The following OSGEPL1 variants were observed in gnomAD, a reference collection of about 807,000 sequenced individuals.
The protein encoded by OSGEPL1 is tRNA N6-adenosine threonylcarbamoyltransferase, mitochondrial.
Under a neutral mutation model 37.2 loss-of-function variants are expected in OSGEPL1, and 26 were observed. That is an observed-to-expected ratio of 0.70 (90% CI 0.51 to 0.97). OSGEPL1 has a LOEUF of 0.97. Among genes scored for constraint, OSGEPL1 ranks in the 50% least tolerant of loss-of-function variants. The pLI is 0.00. For missense variants in OSGEPL1, 404 were observed against 487.0 expected (o/e 0.83, Z 1.60); for synonymous variants, 140 against 159.9 (o/e 0.88, Z 0.94).
At chr2:189,748,209 A>G (rs1372492473) in intron 8 of OSGEPL1, among the ~76,000 whole-genome samples, 2 of 152,144 alleles carry the variant, frequency 1.3e-5, no homozygotes, top group African/African-American at 4.8e-5. Flanking sequence ...TTATTTATTT[A>G]TTTGTCTGTT....
At chr2:189,762,570 A>C (rs1004555617) in intron 1 of OSGEPL1, 115 bp downstream of exon 1, 6 of 984,430 alleles carry the variant, frequency 6.1e-6, no homozygotes, top group Non-Finnish European at 7.2e-6. Context: ...AACCCACGTG[A>C]CTTGGGTAGC....
Position 189,755,305 on chromosome 2 carries a change from A to G in OSGEPL1, c.477T>C (p.Asn159=). Residue 159 remains asparagine, a synonymous_variant, in exon 3 of 9, where the codon AAT becomes AAC. Coordinates refer to ENST00000264151, the MANE Select transcript of OSGEPL1 (RefSeq NM_022353.3). ...GAACTAAAAAAGGAAATTCTACTTTATTGGTCAACCTAATAGTAAGTGCAT... is the reference window on the plus strand; with the variant it reads ...GAACTAAAAAAGGAAATTCTACTTTGTTGGTCAACCTAATAGTAAGTGCAT... ...EAHALTIRLT[N]KVEFPFLVLL... The G allele has an allele frequency of 6.2e-7, 1 of 1,613,516 alleles. No homozygotes were observed. Among genetic ancestry groups the G allele is most frequent in the Non-Finnish European group, 8.5e-7 (1 of 1,179,736 alleles).
Position 189,755,238 on chromosome 2 carries a change from C to T in OSGEPL1, c.544G>A (p.Gly182Arg). The change falls in exon 3 of 9, where the codon GGA becomes AGA. Residue 182 changes from glycine (G) to arginine (R), a missense_variant. By Grantham distance (125) the Gly-to-Arg change is moderately radical (BLOSUM62 -2). Transcript: ENST00000264151. ...GGHCLLALVQ[G>R]VSDFLLLGKS... is the part of the protein sequence containing the mutation. The stretch of plus-strand genomic sequence containing the variant: ...CCAAGAAGCAGAAAATCTGAAACTC[C>T]TTGAACTAATGCCAACAGACAGTGA... The T allele has an allele frequency of 6.2e-7, 1 of 1,613,066 alleles. No individual in the cohort carries two copies. Among genetic ancestry groups the T allele is most frequent in the Non-Finnish European group, 8.5e-7 (1 of 1,179,612 alleles).
chr2:189,759,964 A>T (rs1226016601), intron 2 of OSGEPL1, among the ~76,000 whole-genome samples: 1 of 152,034 alleles, frequency 6.6e-6, no homozygotes, highest in East Asian at 1.9e-4. Context: ...ATGACTCTTA[A>T]CGAGTATGCT....
In OSGEPL1 at chr2:189,752,545, CT is replaced by C. The variant is rs906491749; in HGVS notation, c.1166+107del. 18 of 1,022,296 alleles carry C rather than the reference CT, an allele frequency of 1.8e-5. No individual in the cohort carries two copies. In the African/African-American group the frequency reaches 2.7e-4, roughly 16 times the overall value. The allele number at this position is 1,022,296 out of a possible 1,614,324, so 63.3% of individuals were successfully genotyped here. A position where few individuals can be genotyped will look rare whatever the true frequency, so the allele number is the denominator to read the frequency against. On this transcript the variant is annotated intron_variant, in intron 7 of 8. Transcript: ENST00000264151. ...CATGAAAGAAATTTATGTAACTTTC[CT>C]TCAAGTACCACCAGAATGTCAATGA...
At chr2:189,756,138 AGAC>A in intron 2 of OSGEPL1, among the ~76,000 whole-genome samples, 1 of 152,352 alleles carries the variant, frequency 6.6e-6, no homozygotes, top group East Asian at 1.9e-4. Context: ...AGTTTTATAA[AGAC>A]GACGAGTTTA....
intron 2 of OSGEPL1, among the ~76,000 whole-genome samples, chr2:189,758,042 T>C (rs943120288): frequency 5.3e-5 from 8 of 152,182 alleles, no homozygotes; most frequent in Non-Finnish European, 7.3e-5. Context: ...TATTTTCCCC[T>C]TGGTACTGTG....
At chr2:189,759,595 G>A (rs1035956895) in intron 2 of OSGEPL1, among the ~76,000 whole-genome samples, 4 of 152,110 alleles carry the variant, frequency 2.6e-5, no homozygotes, top group African/African-American at 7.2e-5. Context: ...GAGAGGATAT[G>A]GAACTTGCCT....
At position 189,762,747 on chromosome 2, in the gene OSGEPL1, C is replaced by T. The variant is rs2047313626; in HGVS notation, c.-83G>A. On this transcript the variant is annotated 5_prime_UTR_variant, in exon 1 of 9. Transcript: ENST00000264151. ...TTCCCTACTAAAGACTGTCGACTGC[C>T]CTTATCGCTGCAGGAGAAAGCCCGA... 1.0e-6 allele frequency: 1 copy of T among 985,532 alleles called. No individual in the cohort carries two copies. Among genetic ancestry groups the T allele is most frequent in the South Asian group, 4.7e-5 (1 of 21,290 alleles). The allele number at this position is 985,532 out of a possible 1,614,324, so 61.0% of individuals were successfully genotyped here.
At chr2:189,748,370 GT>G (rs2044496148) in intron 8 of OSGEPL1, among the ~76,000 whole-genome samples, 1 of 152,154 alleles carries the variant, frequency 6.6e-6, no homozygotes, top group South Asian at 2.1e-4. Context: ...GTTATGCTGA[GT>G]GTGGTGGTAC....
intron 7 of OSGEPL1, 22 bp from the exon 8 acceptor site, chr2:189,750,678 C>A (rs373631423): frequency 1.9e-6 from 3 of 1,541,842 alleles, no homozygotes; most frequent in East Asian, 2.3e-5. Flanking sequence ...GCAGACAAAT[C>A]GTATTATTTA....
At chr2:189,754,428 C>A in intron 3 of OSGEPL1, 83 bp from the exon 4 acceptor site, 1 of 1,301,394 alleles carries the variant, frequency 7.7e-7, no homozygotes. Context: ...TTGAAAATTA[C>A]TAACAAAACA....
Position 189,749,244 on chromosome 2 carries a change from TAAAAAAAAA to T in OSGEPL1, c.*28+1297_*28+1305del, listed in dbSNP as rs397987026. ...CTGGACAACAGAGCGAGACTCTGTC[TAAAAAAAAA>T]AAAAAAAAAAAAAAGATTATTTTTA... On this transcript the variant is annotated intron_variant, in intron 8 of 8. Coordinates refer to ENST00000264151, the MANE Select transcript of OSGEPL1 (RefSeq NM_022353.3). 4.7e-5 allele frequency among the ~76,000 whole-genome samples: 3 copies of T among 63,254 alleles called. No individual in the cohort carries two copies. The Admixed American group carries it at 8.5e-4, about 18-fold the overall frequency. 41.5% of individuals were successfully genotyped at this position (63,254 alleles called of 152,430 possible). A position where few individuals can be genotyped will look rare whatever the true frequency, so the allele number is the denominator to read the frequency against.
chr2:189,758,418 C>G (rs757202688), intron 2 of OSGEPL1, among the ~76,000 whole-genome samples: 6 of 151,928 alleles, frequency 3.9e-5, no homozygotes, highest in Non-Finnish European at 7.4e-5. Flanking sequence ...CTCACCCCCC[C>G]TCTCTCGGTC....
At position 189,761,785 on chromosome 2, in the gene OSGEPL1, T is replaced by C. The variant is rs1182392207; in HGVS notation, c.-20-125A>G. On this transcript the variant is annotated intron_variant, in intron 1 of 8. Coordinates refer to ENST00000264151, the MANE Select transcript of OSGEPL1 (RefSeq NM_022353.3). Reference sequence around the variant, plus strand: ...AGTCACCAAAAGTTTGTAAAGGCTATAGCAACATGGGAATATAAATAATAT... The same window carrying C: ...AGTCACCAAAAGTTTGTAAAGGCTACAGCAACATGGGAATATAAATAATAT... 4 of 903,340 alleles carry C rather than the reference T, an allele frequency of 4.4e-6. No individual in the cohort carries two copies. In the East Asian group the frequency reaches 1.2e-4, roughly 27 times the overall value. The allele number at this position is 903,340 out of a possible 1,614,324, so 56.0% of individuals were successfully genotyped here.
chr2:189,762,852 A>G (rs569860507), upstream of OSGEPL1: 7 of 985,448 alleles, frequency 7.1e-6, no homozygotes, highest in South Asian at 2.3e-4. Context: ...AGCGAGCGGC[A>G]TGCTTAGTGA....
At chr2:189,759,219 C>G (rs1396239035) in intron 2 of OSGEPL1, among the ~76,000 whole-genome samples, 2 of 152,010 alleles carry the variant, frequency 1.3e-5, no homozygotes, top group African/African-American at 2.4e-5. Context: ...TAATGCCACC[C>G]TCCCGTAATT....
chr2:189,753,948 T>C lies in OSGEPL1; in HGVS notation c.931A>G (p.Arg311Gly). ...THRAILFCKQ[R>G]DLLPQNNAVL... Reference sequence around the variant, plus strand: ...GCATTATTTTGAGGTAACAAGTCTCTCTGCTTACAAAACAGAATAGCCCGA... The same window carrying C: ...GCATTATTTTGAGGTAACAAGTCTCCCTGCTTACAAAACAGAATAGCCCGA... Residue 311 changes from arginine to glycine, a missense_variant, in exon 5 of 9, where the codon AGA becomes GGA. Coordinates refer to ENST00000264151, the MANE Select transcript of OSGEPL1 (RefSeq NM_022353.3). The C allele has an allele frequency of 6.2e-7, 1 of 1,613,772 alleles. No individual in the cohort carries two copies. The highest frequency in any genetic ancestry group is 8.5e-7 in the Non-Finnish European group (1 of 1,179,806).
At chr2:189,761,350 A>G in intron 2 of OSGEPL1, 70 bp downstream of exon 2, 7 of 1,502,072 alleles carry the variant, frequency 4.7e-6, no homozygotes, top group Non-Finnish European at 6.2e-6. Flanking sequence ...ACTTTTATAT[A>G]TGACAAATAC....
Sources: allele counts gnomAD v4.1 joint callset (sites outside exome capture counted in the v4.1 genomes callset), GRCh38; gene constraint gnomAD v4.1.1; transcripts MANE v1.5; gene names NCBI Gene and HGNC (gene_info 2026-07-23, HGNC 2026-07-21).